LRRC4C: variants seen among roughly 807,000 people sequenced by gnomAD.
LRRC4C encodes leucine rich repeat containing 4C.
LRRC4C carries 5 observed loss-of-function variants against 33.6 expected under a neutral mutation model. That is an observed-to-expected ratio of 0.15 (90% CI 0.08 to 0.31). LRRC4C has a LOEUF of 0.31. LRRC4C is among the 10% of genes least tolerant of loss of function. The pLI is 1.00. For synonymous variants in LRRC4C, 329 were observed against 302.0 expected (o/e 1.09, Z -0.93); for missense variants, 560 against 796.7 (o/e 0.70, Z 3.58).
At chr11:40,689,168 T>A (rs971084616) in intron 2 of LRRC4C, among the ~76,000 whole-genome samples, 2 of 152,054 alleles carry the variant, frequency 1.3e-5, no homozygotes, top group African/African-American at 2.4e-5. Context: ...AGAACAATGG[T>A]TTTGATTCTG....
intron 3 of LRRC4C, among the ~76,000 whole-genome samples, chr11:40,643,630 G>A (rs139182972): frequency 1.2e-4 from 18 of 152,186 alleles, no homozygotes; most frequent in East Asian, 3.9e-4. Context: ...CCCCCCTGCC[G>A]TCCACCAGCA....
At chr11:40,863,253 G>A (rs185779239) in intron 2 of LRRC4C, among the ~76,000 whole-genome samples, 3 of 152,198 alleles carry the variant, frequency 2.0e-5, no homozygotes, top group Admixed American at 6.5e-5. Flanking sequence ...CAAGAATATC[G>A]CCTGATGTTT....
chr11:41,427,929 C>A (rs1039785151), intron 1 of LRRC4C, among the ~76,000 whole-genome samples: 1 of 152,026 alleles, frequency 6.6e-6, no homozygotes, highest in African/African-American at 2.4e-5. Context: ...GTGACCCCCA[C>A]CCCTGCCAGC....
At chr11:40,927,334 AT>A (rs112762894) in intron 2 of LRRC4C, among the ~76,000 whole-genome samples, 6,632 of 152,144 alleles carry the variant, frequency 0.044, 306 homozygotes, top group East Asian at 0.22. Context: ...AGATCATGCC[AT>A]TAGACTCCAG....
intron 5 of LRRC4C, among the ~76,000 whole-genome samples, chr11:40,163,905 C>T (rs535526735): frequency 1.4e-4 from 21 of 152,202 alleles, no homozygotes; most frequent in Non-Finnish European, 2.8e-4. Flanking sequence ...GTTTCTATAA[C>T]ATAAACAAAT....
chr11:40,488,391 C>T (rs575400066), intron 3 of LRRC4C, among the ~76,000 whole-genome samples: 19 of 152,182 alleles, frequency 1.2e-4, no homozygotes, highest in Non-Finnish European at 1.6e-4. Flanking sequence ...CCATTTGACC[C>T]TTACTCAGGT....
At chr11:41,137,715 C>T (rs1943327239) in intron 1 of LRRC4C, among the ~76,000 whole-genome samples, 1 of 152,112 alleles carries the variant, frequency 6.6e-6, no homozygotes, top group Non-Finnish European at 1.5e-5. Flanking sequence ...ATAAAACAAA[C>T]AAGGTATCCT....
At chr11:40,719,847 C>A (rs751063000) in intron 2 of LRRC4C, among the ~76,000 whole-genome samples, 9 of 152,068 alleles carry the variant, frequency 5.9e-5, no homozygotes, top group African/African-American at 2.2e-4. Flanking sequence ...TGAAGAAAAT[C>A]GGATTCAAAG....
chr11:41,341,758 T>C (rs941610523), intron 1 of LRRC4C, among the ~76,000 whole-genome samples: 22 of 152,196 alleles, frequency 1.4e-4, no homozygotes, highest in Non-Finnish European at 2.2e-4. Flanking sequence ...AAATCCACTT[T>C]GCAACATAGT....
chr11:40,837,478 A>C (rs1294415405), intron 2 of LRRC4C, among the ~76,000 whole-genome samples: 1 of 152,060 alleles, frequency 6.6e-6, no homozygotes, highest in Non-Finnish European at 1.5e-5. Flanking sequence ...AAAATATTTT[A>C]ATCTATTTGA....
intron 1 of LRRC4C, among the ~76,000 whole-genome samples, chr11:41,052,032 G>A (rs558973741): frequency 2.6e-5 from 4 of 152,146 alleles, no homozygotes; most frequent in Non-Finnish European, 5.9e-5. Flanking sequence ...CATGTTTATT[G>A]AAATCCTCTA....
intron 2 of LRRC4C, among the ~76,000 whole-genome samples, chr11:40,831,756 G>A (rs755405028): frequency 6.6e-6 from 1 of 152,000 alleles, no homozygotes; most frequent in African/African-American, 2.4e-5. Context: ...AGCATGTGCA[G>A]GGGAACTGTC....
At chr11:40,643,592 A>C (rs1942251753) in intron 3 of LRRC4C, among the ~76,000 whole-genome samples, 1 of 152,022 alleles carries the variant, frequency 6.6e-6, no homozygotes, top group Admixed American at 6.6e-5. Flanking sequence ...TTTCACCACC[A>C]CCCAGGAATA....
chr11:41,035,276 G>A (rs548952082), intron 1 of LRRC4C, among the ~76,000 whole-genome samples: 88 of 151,698 alleles, frequency 5.8e-4, no homozygotes, highest in Non-Finnish European at 1.1e-3. Context: ...TGTTACATAG[G>A]TAAACATGTG....
At chr11:40,634,720 T>TAAA (rs56122866) in intron 3 of LRRC4C, among the ~76,000 whole-genome samples, 60 of 145,842 alleles carry the variant, frequency 4.1e-4, no homozygotes, top group African/African-American at 1.4e-3. Context: ...AATAAGAAAA[T>TAAA]AAAAAAAAAA....
intron 3 of LRRC4C, among the ~76,000 whole-genome samples, chr11:40,618,845 T>C (rs1336722271): frequency 6.6e-6 from 1 of 151,786 alleles, no homozygotes; most frequent in East Asian, 1.9e-4. Context: ...ACTGAATGGC[T>C]GCATAAATTT....
rs181122274 is a variant in LRRC4C at position 40,465,856 on chromosome 11, A to G, written c.-269-146135T>C. ...TAGATTAGTACAACCTCTATGGACA[A>G]CAGTGTGGAGATTTCTCAAAGAATT... On this transcript the variant is annotated intron_variant, in intron 3 of 6. Transcript: ENST00000528697. Among the ~76,000 whole-genome samples the G allele has an allele frequency of 2.8e-4, 43 of 152,188 alleles. No individual in the cohort carries two copies. In the East Asian group the frequency reaches 8.1e-3, roughly 29 times the overall value.
chr11:40,710,972 G>T (rs1392105663), intron 2 of LRRC4C, among the ~76,000 whole-genome samples: 3 of 152,086 alleles, frequency 2.0e-5, no homozygotes, highest in African/African-American at 7.2e-5. Context: ...AGTGGGCAAG[G>T]CTCTGTGGGT....
intron 1 of LRRC4C, among the ~76,000 whole-genome samples, chr11:41,336,120 G>C (rs939985987): frequency 1.3e-5 from 2 of 152,086 alleles, no homozygotes; most frequent in Admixed American, 6.6e-5. Flanking sequence ...AATTAGTTTA[G>C]ATGAAGTCTT....
Sources: gnomAD v4.1 joint callset for allele counts (sites outside exome capture counted in the v4.1 genomes callset) on GRCh38, gnomAD v4.1.1 for gene constraint, MANE v1.5 for transcripts, NCBI Gene and HGNC (gene_info 2026-07-23, HGNC 2026-07-21) for gene names.